MROH1: variants seen among roughly 807,000 people sequenced by gnomAD.
MROH1 encodes maestro heat like repeat family member 1, also known as maestro heat-like repeat-containing protein family member 1.
In MROH1, 117 loss-of-function variants were observed where a neutral mutation model predicts 116.5. That is an observed-to-expected ratio of 1.00 (90% CI 0.86 to 1.17). The LOEUF is 1.17. MROH1 is among the 50% of genes most tolerant of loss of function. MROH1 has a pLI of 0.00. For missense variants in MROH1, 1,873 were observed against 1,338.5 expected, an observed-to-expected ratio of 1.40 and a Z score of -6.23; for synonymous variants, 921 against 583.9, an observed-to-expected ratio of 1.58 and a Z score of -8.32.
chr8:144,223,357 G>A, intron 14 of MROH1, 127 bp downstream of exon 14: 1 of 1,217,940 alleles, frequency 8.2e-7, no homozygotes, highest in Non-Finnish European at 1.1e-6. Context: ...GTGCGGAGGT[G>A]CCCTCTGCTG....
At chr8:144,194,410 A>G (rs1829347417) in intron 10 of MROH1, among the ~76,000 whole-genome samples, 1 of 152,172 alleles carries the variant, frequency 6.6e-6, no homozygotes, top group Non-Finnish European at 1.5e-5. Context: ...CTAAGTTAAC[A>G]AAGTATGGAT....
chr8:144,230,326 A>C (rs1416936344), intron 14 of MROH1, among the ~76,000 whole-genome samples: 1 of 152,206 alleles, frequency 6.6e-6, no homozygotes, highest in Non-Finnish European at 1.5e-5. Flanking sequence ...TCTCAGTGTC[A>C]GCAATAAGGC....
intron 4 of MROH1, among the ~76,000 whole-genome samples, chr8:144,177,504 T>C (rs918630804): frequency 6.6e-6 from 1 of 152,238 alleles, no homozygotes; most frequent in Non-Finnish European, 1.5e-5. Context: ...CTGTCTTCAC[T>C]GAGCCGGTAG....
At chr8:144,209,838 C>T (rs879658858) in intron 12 of MROH1, among the ~76,000 whole-genome samples, 25 of 139,866 alleles carry the variant, frequency 1.8e-4, no homozygotes, top group Admixed American at 1.5e-3. Flanking sequence ...CCCAGGAGGT[C>T]GAGGCTGCAG....
At chr8:144,225,755 T>G (rs1837668010) in intron 14 of MROH1, among the ~76,000 whole-genome samples, 1 of 151,136 alleles carries the variant, frequency 6.6e-6, no homozygotes, top group African/African-American at 2.4e-5. Context: ...ACACAGAGTT[T>G]TACCATGTTG....
intron 37 of MROH1, among the ~76,000 whole-genome samples, 157 bp from the exon 38 acceptor site, chr8:144,259,752 CAG>C (rs1844638158): frequency 6.6e-6 from 1 of 152,262 alleles, no homozygotes; most frequent in Admixed American, 6.5e-5. Context: ...AGCGGCACAA[CAG>C]GGAGGGGTCG....
intron 2 of MROH1, among the ~76,000 whole-genome samples, 159 bp downstream of exon 2, chr8:144,161,248 T>C (rs1819452024): frequency 6.6e-6 from 1 of 152,222 alleles, no homozygotes; most frequent in Admixed American, 6.5e-5. Flanking sequence ...CCTGTACCCT[T>C]AATCTCATCT....
rs1170659927 is a variant in MROH1, at chr8:144,244,587, G to A, written c.2766+48G>A. ...GGGGATGGGGATGGGGGCACAGAGG[G>A]CACTCCACCTGGCTGCTGGCCCTCT... On this transcript the variant is annotated intron_variant, in intron 28 of 43. Transcript: ENST00000326134. 308 of 721,920 alleles carry A rather than the reference G, an allele frequency of 4.3e-4. 3 individuals carry two copies. The highest frequency in any genetic ancestry group is 4.2e-3 in the South Asian group (288 of 67,964). The allele number at this position is 721,920 out of a possible 1,614,324, so 44.7% of individuals were successfully genotyped here. A position where few individuals can be genotyped will look rare whatever the true frequency, so the allele number is the denominator to read the frequency against.
At chr8:144,220,365 C>T (rs371691037) in intron 12 of MROH1, among the ~76,000 whole-genome samples, 2 of 152,322 alleles carry the variant, frequency 1.3e-5, no homozygotes, top group East Asian at 3.9e-4. Context: ...CAGGCCCATT[C>T]TTCTACGACC....
At chr8:144,235,342 C>T (rs1306039078) in intron 14 of MROH1, among the ~76,000 whole-genome samples, 1 of 152,030 alleles carries the variant, frequency 6.6e-6, no homozygotes, top group Non-Finnish European at 1.5e-5. Context: ...AGTCTGGATG[C>T]GTTTTATTTA....
chr8:144,157,017 G>A (rs1204709139), intron 1 of MROH1, among the ~76,000 whole-genome samples: 2 of 151,886 alleles, frequency 1.3e-5, no homozygotes, highest in East Asian at 1.9e-4. Context: ...GCGCAGTGGC[G>A]TGATCTCGGC....
chr8:144,161,635 G>A (rs1279182743), intron 2 of MROH1, among the ~76,000 whole-genome samples: 4 of 152,170 alleles, frequency 2.6e-5, no homozygotes, highest in African/African-American at 7.2e-5. Flanking sequence ...CTTGTGTCTC[G>A]TCCAGTTTTT....
At chr8:144,172,801 T>C (rs1822841890) in intron 4 of MROH1, among the ~76,000 whole-genome samples, 1 of 152,152 alleles carries the variant, frequency 6.6e-6, no homozygotes, top group Admixed American at 6.6e-5. Context: ...ATTTCTAGGC[T>C]GAACTAGTGT....
intron 12 of MROH1, among the ~76,000 whole-genome samples, chr8:144,219,053 C>T (rs554618909): frequency 5.4e-5 from 8 of 149,224 alleles, no homozygotes; most frequent in South Asian, 2.2e-4. Flanking sequence ...GACAGAGTCT[C>T]GCTCTGTCGC....
In MROH1 at chr8:144,182,948, G is replaced by A. The variant is rs140495080; in HGVS notation, c.562+2425G>A. 1.8e-4 allele frequency among the ~76,000 whole-genome samples: 28 copies of A among 152,280 alleles called. No individual in the cohort carries two copies. The highest frequency in any genetic ancestry group is 6.3e-4 in the African/African-American group (26 of 41,566). On this transcript the variant is annotated intron_variant, in intron 7 of 43. Coordinates refer to ENST00000326134, the MANE Select transcript of MROH1 (RefSeq NM_032450.3). This position sits in a 1 kb window ranked among gnomAD's most constrained non-coding sequence, Gnocchi z 4.1. ...AAAAAAATTAGCCGGGTGTGGTGGC[G>A]CATGTCTGTAATCCCTGATACTGTG...
At chr8:144,248,411 A>C (rs1469257548) in intron 31 of MROH1, among the ~76,000 whole-genome samples, 1 of 152,138 alleles carries the variant, frequency 6.6e-6, no homozygotes, top group Non-Finnish European at 1.5e-5. Context: ...GGTGCTTAGG[A>C]ATGGCCTTCC....
chr8:144,164,545 C>T (rs2130891411), intron 3 of MROH1, among the ~76,000 whole-genome samples: 2 of 152,136 alleles, frequency 1.3e-5, no homozygotes, highest in South Asian at 4.1e-4. Context: ...GCTGGGCCTA[C>T]AGGTGCATGC....
intron 1 of MROH1, among the ~76,000 whole-genome samples, chr8:144,150,976 G>C (rs1042386501): frequency 6.6e-6 from 1 of 152,128 alleles, no homozygotes; most frequent in Non-Finnish European, 1.5e-5. Context: ...GGCCAGGCGT[G>C]ATGGCTCACG....
At chr8:144,150,621 T>C (rs1218618237) in intron 1 of MROH1, among the ~76,000 whole-genome samples, 1 of 152,204 alleles carries the variant, frequency 6.6e-6, no homozygotes, top group Non-Finnish European at 1.5e-5. Context: ...CTTTTTGCCA[T>C]GTAGCCTACA....
Sources: allele counts gnomAD v4.1 joint callset (sites outside exome capture counted in the v4.1 genomes callset), GRCh38; gene constraint gnomAD v4.1.1; non-coding constraint Gnocchi (gnomAD v3.1); transcripts MANE v1.5; gene names NCBI Gene and HGNC (gene_info 2026-07-23, HGNC 2026-07-21).